PDE1C: variants seen among roughly 807,000 people sequenced by gnomAD.
PDE1C encodes the protein phosphodiesterase 1C, also known as dual specificity calcium/calmodulin-dependent 3',5'-cyclic nucleotide phosphodiesterase 1C.
In PDE1C, 62 loss-of-function variants were observed where a neutral mutation model predicts 93.1. That is an observed-to-expected ratio of 0.67 (90% CI 0.54 to 0.82). The LOEUF is 0.82. PDE1C is among the 40% of genes least tolerant of loss of function. PDE1C has a pLI of 0.00. For missense variants in PDE1C, 742 were observed against 884.6 expected, an observed-to-expected ratio of 0.84 and a Z score of 2.04; for synonymous variants, 325 against 310.1, an observed-to-expected ratio of 1.05 and a Z score of -0.50.
chr7:32,160,308 C>T lies in PDE1C; in HGVS notation c.308+9477G>A, dbSNP rs1419897622. On this transcript the variant is annotated intron_variant, in intron 3 of 18. Transcript: ENST00000396193. ...TTAAATGTAGAGTTTCTCCCTAGTT[C>T]CCCTTAAAGTGGGGGCTCCAGAGGA... Among the ~76,000 whole-genome samples the T allele has an allele frequency of 3.9e-5, 6 of 152,144 alleles. No individual in the cohort carries two copies. In the East Asian group the frequency reaches 1.2e-3, roughly 29 times the overall value.
the PDE1C span, chr7:31,653,092 C>A: frequency 1.3e-6 from 1 of 753,616 alleles, no homozygotes; most frequent in Non-Finnish European, 1.9e-6. Context: ...CCTGCTAGAA[C>A]TTACAGTGTA....
intron 2 of PDE1C, among the ~76,000 whole-genome samples, chr7:31,932,285 A>ACAGAATG (rs1434958208): frequency 1.3e-5 from 2 of 151,578 alleles, no homozygotes; most frequent in Non-Finnish European, 2.9e-5. Flanking sequence ...CAGACAACCT[A>ACAGAATG]CAGAATGGGA....
intron 16 of PDE1C, among the ~76,000 whole-genome samples, chr7:31,801,195 G>T (rs1233406238): frequency 6.6e-6 from 1 of 151,044 alleles, no homozygotes; most frequent in Non-Finnish European, 1.5e-5. Context: ...TAATGGTGAT[G>T]ATTAATAAAA....
At chr7:31,701,895 G>A in the PDE1C span, among the ~76,000 whole-genome samples, 6 of 152,202 alleles carry the variant, frequency 3.9e-5, no homozygotes, top group African/African-American at 1.4e-4. Flanking sequence ...TATAGTGTAA[G>A]CCTAACTTTT....
chr7:31,667,326 CCA>C, the PDE1C span, among the ~76,000 whole-genome samples: 7 of 152,178 alleles, frequency 4.6e-5, no homozygotes, highest in Admixed American at 2.0e-4. Context: ...CTGTGGAATT[CCA>C]CAGACTATCA....
rs1325888166 is a variant in PDE1C at position 31,751,850 on chromosome 7, GAGA to G, written c.*1531_*1533del. The G allele has an allele frequency of 6.6e-6, 1 of 152,214 alleles. No homozygotes were observed. The highest frequency in any genetic ancestry group is 1.9e-4 in the East Asian group (1 of 5,194). 9.4% of individuals were successfully genotyped at this position (152,214 alleles called of 1,614,324 possible). On this transcript the variant is annotated 3_prime_UTR_variant, in exon 18 of 18. Coordinates refer to ENST00000396191, the MANE Select transcript of PDE1C (RefSeq NM_001191057.4). Reference sequence around the variant, plus strand: ...ATTGGAAATGAACTGCAGGGAATGAGAGAAGGAGAGGACACTAAACTCTTTACA... The same window carrying G: ...ATTGGAAATGAACTGCAGGGAATGAGAGGAGAGGACACTAAACTCTTTACA...
intron 1 of PDE1C, among the ~76,000 whole-genome samples, chr7:32,305,619 T>C (rs1448564465): frequency 2.0e-5 from 3 of 152,222 alleles, no homozygotes; most frequent in South Asian, 2.1e-4. Flanking sequence ...ACAAAGCTTC[T>C]ACACACTTGT....
chr7:31,841,223 C>CTATA (rs1358467591), intron 9 of PDE1C, among the ~76,000 whole-genome samples: 3 of 107,016 alleles, frequency 2.8e-5, no homozygotes, highest in Admixed American at 2.3e-4. Context: ...CTCTCTCTCT[C>CTATA]TCTCTATATA....
chr7:31,932,201 G>A (rs1449599228), intron 2 of PDE1C, among the ~76,000 whole-genome samples: 1 of 152,160 alleles, frequency 6.6e-6, no homozygotes, highest in Non-Finnish European at 1.5e-5. Flanking sequence ...GGCAACAGAA[G>A]CCAAAATTGA....
intron 7 of PDE1C, among the ~76,000 whole-genome samples, chr7:31,857,209 T>G (rs1794133228): frequency 6.6e-6 from 1 of 152,216 alleles, no homozygotes; most frequent in Non-Finnish European, 1.5e-5. Context: ...AATTTTAATT[T>G]CTATGAATTA....
At chr7:31,822,745 T>C (rs1034349216) in intron 14 of PDE1C, among the ~76,000 whole-genome samples, 1 of 152,128 alleles carries the variant, frequency 6.6e-6, no homozygotes, top group Non-Finnish European at 1.5e-5. Context: ...AGCCTCACAG[T>C]TGTGCCACAT....
chr7:32,372,076 CAG>C (rs1784345116), intron 1 of PDE1C, among the ~76,000 whole-genome samples: 1 of 117,374 alleles, frequency 8.5e-6, no homozygotes, highest in African/African-American at 3.3e-5. Flanking sequence ...TTTTTTGAGA[CAG>C]AGTCTGGCTC....
chr7:32,166,514 C>T (rs1342862190), intron 3 of PDE1C, among the ~76,000 whole-genome samples: 2 of 152,272 alleles, frequency 1.3e-5, no homozygotes, highest in Middle Eastern at 3.4e-3. Flanking sequence ...GCCTCATCAG[C>T]ACTGCCCAAC....
chr7:32,405,567 T>C (rs1785037481), intron 1 of PDE1C, among the ~76,000 whole-genome samples: 1 of 152,170 alleles, frequency 6.6e-6, no homozygotes, highest in Non-Finnish European at 1.5e-5. Context: ...TTTTTTCTTA[T>C]TGCTGGTGAG....
intron 1 of PDE1C, among the ~76,000 whole-genome samples, chr7:32,065,422 A>G (rs1288919881): frequency 6.6e-6 from 1 of 152,198 alleles, no homozygotes; most frequent in African/African-American, 2.4e-5. Flanking sequence ...CCTAGAATGA[A>G]TACACAATTC....
chr7:31,742,999 A>G, the PDE1C span, among the ~76,000 whole-genome samples: 1 of 152,016 alleles, frequency 6.6e-6, no homozygotes, highest in Non-Finnish European at 1.5e-5. Flanking sequence ...CAAGTTCATA[A>G]CAAATCTACT....
intron 3 of PDE1C, among the ~76,000 whole-genome samples, chr7:32,086,767 T>C (rs1231186473): frequency 1.3e-5 from 2 of 152,204 alleles, no homozygotes; most frequent in East Asian, 3.8e-4. Context: ...GGATTCCCGA[T>C]TTAATAAATG....
intron 11 of PDE1C, among the ~76,000 whole-genome samples, chr7:31,833,149 CCT>C (rs1790639778): frequency 6.6e-6 from 1 of 152,170 alleles, no homozygotes; most frequent in Non-Finnish European, 1.5e-5. Context: ...AGGGGAAACC[CCT>C]TTCACTTGGT....
chr7:31,967,757 AC>A (rs1342314670), intron 2 of PDE1C, among the ~76,000 whole-genome samples: 2 of 152,190 alleles, frequency 1.3e-5, no homozygotes, highest in South Asian at 4.1e-4. Flanking sequence ...AAGCTTATCC[AC>A]CATGATCAAG....
Sources: allele counts gnomAD v4.1 joint callset (sites outside exome capture counted in the v4.1 genomes callset), GRCh38; gene constraint gnomAD v4.1.1; transcripts MANE v1.5; gene names NCBI Gene and HGNC (gene_info 2026-07-23, HGNC 2026-07-21).